Variants in PRKG1 observed in about 807,000 individuals in gnomAD.
The protein encoded by PRKG1 is cGMP-dependent protein kinase 1.
PRKG1 carries 35 observed loss-of-function variants against 88.1 expected under a neutral mutation model. The ratio of observed to expected loss-of-function variants is 0.40; its 90% CI spans 0.30 to 0.53. PRKG1 has a LOEUF of 0.53. PRKG1 is among the 20% of genes least tolerant of loss of function. The pLI is 0.59. For synonymous variants in PRKG1, 303 were observed against 292.5 expected (o/e 1.04, Z -0.37); for missense variants, 540 against 839.8 (o/e 0.64, Z 4.41).
intron 1 of PRKG1, among the ~76,000 whole-genome samples, chr10:51,050,235 A>G (rs1174826061): frequency 1.3e-5 from 2 of 151,936 alleles, no homozygotes; most frequent in South Asian, 2.1e-4. Flanking sequence ...TGTTTACTAT[A>G]GGCACTATTC....
At chr10:51,204,792 C>CT (rs1428679460) in intron 2 of PRKG1, among the ~76,000 whole-genome samples, 1 of 152,060 alleles carries the variant, frequency 6.6e-6, no homozygotes, top group East Asian at 1.9e-4. Context: ...TGTGAATGTG[C>CT]TTGTCTTTCA....
At chr10:52,007,387 CAT>C (rs78238550) in intron 5 of PRKG1, among the ~76,000 whole-genome samples, 44,970 of 152,024 alleles carry the variant, frequency 0.3, 6,760 homozygotes, top group Non-Finnish European at 0.33. Context: ...AGACCCACCT[CAT>C]ATACAATAAC....
chr10:51,639,307 G>A (rs866264534), intron 3 of PRKG1, among the ~76,000 whole-genome samples: 3 of 151,532 alleles, frequency 2.0e-5, no homozygotes, highest in Non-Finnish European at 2.9e-5. Context: ...GGTGGCGGGC[G>A]CCTGTAGTCC....
chr10:51,627,992 C>CTTTCTT (rs1166434553), intron 3 of PRKG1, among the ~76,000 whole-genome samples: 629 of 29,558 alleles, frequency 0.021, 30 homozygotes, highest in African/African-American at 0.049. Context: ...TTCTTTCTTT[C>CTTTCTT]TCTCTCTCTC....
At chr10:52,002,530 T>C (rs1033717413) in intron 5 of PRKG1, among the ~76,000 whole-genome samples, 1 of 152,104 alleles carries the variant, frequency 6.6e-6, no homozygotes, top group African/African-American at 2.4e-5. Context: ...GCTGTTGACG[T>C]AGAATAAAAC....
intron 3 of PRKG1, chr10:51,698,979 G>A (rs770916281): frequency 1.2e-5 from 19 of 1,614,134 alleles, no homozygotes; most frequent in Non-Finnish European, 1.6e-5. Context: ...TTCCGATGCA[G>A]AATTTTCAGA....
intron 2 of PRKG1, among the ~76,000 whole-genome samples, chr10:51,226,634 T>C (rs555655141): frequency 1.3e-4 from 20 of 152,274 alleles, no homozygotes; most frequent in African/African-American, 4.6e-4. Flanking sequence ...ACTAATACAA[T>C]TTGAGGATAT....
At chr10:51,297,990 T>C (rs1286768383) in intron 2 of PRKG1, among the ~76,000 whole-genome samples, 1 of 152,142 alleles carries the variant, frequency 6.6e-6, no homozygotes, top group African/African-American at 2.4e-5. Context: ...AAGAGATGTA[T>C]GTAAAGGAAA....
intron 5 of PRKG1, among the ~76,000 whole-genome samples, chr10:51,915,550 T>C (rs1171343241): frequency 7.1e-6 from 1 of 140,466 alleles, no homozygotes; most frequent in African/African-American, 3.0e-5. Flanking sequence ...TGTGTGTATG[T>C]GTGTGTGTGT....
At chr10:51,729,706 CAAA>C (rs34900286) in intron 3 of PRKG1, among the ~76,000 whole-genome samples, 471 of 28,632 alleles carry the variant, frequency 0.016, no homozygotes, top group African/African-American at 0.052. Flanking sequence ...GACTCCATCT[CAAA>C]AAAAAAAAAA....
intron 3 of PRKG1, among the ~76,000 whole-genome samples, chr10:51,781,363 G>T (rs74132425): frequency 0.016 from 2,374 of 152,174 alleles, 80 homozygotes; most frequent in African/African-American, 0.054. Context: ...GTGTTATGTT[G>T]TCATTTTAAG....
intron 3 of PRKG1, among the ~76,000 whole-genome samples, chr10:51,758,293 A>C (rs1198809753): frequency 6.6e-6 from 1 of 152,174 alleles, no homozygotes. Context: ...TTAAAAAAAT[A>C]TACATAAAAA....
At chr10:51,708,663 C>T (rs1451232164) in intron 3 of PRKG1, among the ~76,000 whole-genome samples, 1 of 152,132 alleles carries the variant, frequency 6.6e-6, no homozygotes, top group South Asian at 2.1e-4. Context: ...GAAGGTCCAG[C>T]TTTATTCTGG....
intron 5 of PRKG1, among the ~76,000 whole-genome samples, chr10:52,024,297 T>C (rs958671987): frequency 3.9e-5 from 5 of 127,248 alleles, no homozygotes; most frequent in African/African-American, 1.5e-4. Context: ...ATTTATTTAT[T>C]CATTTATTTA....
chr10:51,635,756 G>A (rs994462423), intron 3 of PRKG1, among the ~76,000 whole-genome samples: 1 of 152,092 alleles, frequency 6.6e-6, no homozygotes, highest in Non-Finnish European at 1.5e-5. Context: ...CAGTAACTGT[G>A]GGTCTAGATT....
At chr10:51,486,139 T>C (rs1840532988) in intron 3 of PRKG1, among the ~76,000 whole-genome samples, 1 of 152,134 alleles carries the variant, frequency 6.6e-6, no homozygotes, top group Non-Finnish European at 1.5e-5. Context: ...CATACCAGAA[T>C]ATAGTATTGC....
At chr10:51,150,388 G>T (rs1846040841) in intron 1 of PRKG1, among the ~76,000 whole-genome samples, 1 of 152,124 alleles carries the variant, frequency 6.6e-6, no homozygotes, top group South Asian at 2.1e-4. Flanking sequence ...GTTGGAGAAA[G>T]TAAAGACTAA....
intron 2 of PRKG1, among the ~76,000 whole-genome samples, chr10:51,409,698 CA>C (rs1464237469): frequency 6.6e-6 from 1 of 151,234 alleles, no homozygotes. Context: ...ACTAAAAATG[CA>C]AAAAAATTAG....
At chr10:52,025,803 T>C (rs1845320770) in intron 5 of PRKG1, among the ~76,000 whole-genome samples, 1 of 151,916 alleles carries the variant, frequency 6.6e-6, no homozygotes, top group Non-Finnish European at 1.5e-5. Flanking sequence ...CGGGCTCTTT[T>C]TTGATTCCAT....
Sources: allele counts gnomAD v4.1 joint callset (sites outside exome capture counted in the v4.1 genomes callset), GRCh38; gene constraint gnomAD v4.1.1; transcripts MANE v1.5; gene names NCBI Gene and HGNC (gene_info 2026-07-23, HGNC 2026-07-21).